Variants in LZTR1 observed in about 807,000 individuals in gnomAD.
LZTR1 encodes the protein leucine-zipper-like transcriptional regulator 1.
LZTR1 carries 260 observed loss-of-function variants against 105.7 expected under a neutral mutation model. The observed-to-expected ratio is 2.46, with a 90% confidence interval of 2.22 to 2.72. The LOEUF is 2.72. Among genes scored for constraint, LZTR1 ranks in the 30% most tolerant of loss-of-function variants. The pLI, the probability that LZTR1 is intolerant of heterozygous loss-of-function variation, is 0.00. For synonymous variants in LZTR1, 490 were observed against 476.4 expected, an observed-to-expected ratio of 1.03 and a Z score of -0.37; for missense variants, 1,214 against 1,166.9, an observed-to-expected ratio of 1.04 and a Z score of -0.59.
At chr22:20,993,886 G>C in intron 12 of LZTR1, 38 bp from the exon 13 acceptor site, 1 of 1,597,248 alleles carries the variant, frequency 6.3e-7, no homozygotes, top group Non-Finnish European at 8.5e-7. Context: ...TGGGGCGAGG[G>C]TCCTGTGCCC....
intron 16 of LZTR1, 29 bp downstream of exon 16, chr22:20,995,055 G>A (rs1924781309): frequency 6.3e-7 from 1 of 1,587,222 alleles, no homozygotes; most frequent in South Asian, 1.1e-5. Flanking sequence ...CTTCCCTGGG[G>A]GCTGGGAGGG....
chr22:20,995,438 A>G (rs1924797653), intron 16 of LZTR1: 1 of 631,012 alleles, frequency 1.6e-6, no homozygotes, highest in South Asian at 1.5e-5. Context: ...TGATGTCTGC[A>G]GGCACCAGAG....
chr22:20,985,777 C>A, intron 2 of LZTR1, 64 bp from the exon 3 acceptor site: 1 of 1,491,994 alleles, frequency 6.7e-7, no homozygotes, highest in South Asian at 1.1e-5. Flanking sequence ...ATGCAGTGCC[C>A]ATCTCTGGGG....
chr22:20,994,029 C>T lies in LZTR1; in HGVS notation c.1449+10C>T. 6.2e-7 allele frequency: 1 copy of T among 1,600,512 alleles called. No homozygotes were observed. Among genetic ancestry groups the T allele is most frequent in the Admixed American group, 1.7e-5 (1 of 57,370 alleles). On this transcript the variant is annotated intron_variant, in intron 13 of 20. Transcript: ENST00000646124. Reference sequence around the variant, plus strand: ...GGAGAGGCTGGCCCAGGTGAGGTGCCTAACCGCCCTGCCCTGACCTGGCAG... The same window carrying T: ...GGAGAGGCTGGCCCAGGTGAGGTGCTTAACCGCCCTGCCCTGACCTGGCAG...
Position 20,997,423 on chromosome 22 carries a change from T to C in LZTR1, c.*75T>C, listed in dbSNP as rs549934273. ...TGCCTACTGAGAAGACTACCGGCTA[T>C]GCGCATGCCTATGGCAGTGGGTGCA... On this transcript the variant is annotated 3_prime_UTR_variant, in exon 21 of 21. Coordinates refer to ENST00000646124, the MANE Select transcript of LZTR1 (RefSeq NM_006767.4). 1.9e-3 allele frequency: 2,128 copies of C among 1,121,848 alleles called. 35 individuals carry two copies. Among genetic ancestry groups the C allele is most frequent in the Non-Finnish European group, 2.6e-4 (195 of 739,224 alleles). The allele number at this position is 1,121,848 out of a possible 1,614,324, so 69.5% of individuals were successfully genotyped here.
At chr22:20,993,100 G>C (rs1348166647) in intron 11 of LZTR1, among the ~76,000 whole-genome samples, 196 bp downstream of exon 11, 1 of 152,246 alleles carries the variant, frequency 6.6e-6, no homozygotes, top group Non-Finnish European at 1.5e-5. Flanking sequence ...TCGTGCAGTG[G>C]GGCAGGCAGA....
At position 20,990,411 on chromosome 22, in the gene LZTR1, CATCT is replaced by C; in HGVS notation, c.678_681del (p.Ser227AlafsTer24). On this transcript the variant is annotated frameshift_variant, in exon 8 of 21. Coordinates refer to ENST00000646124, the MANE Select transcript of LZTR1 (RefSeq NM_006767.4). LOFTEE classifies it high-confidence loss of function. ...GTGGCCCAGAGTGGCGAGATCCCCC[CATCT>C]TGCTGCAACTTCCCCGTGGCTGTGT... 6.2e-7 allele frequency: 1 copy of C among 1,614,132 alleles called. No individual in the cohort carries two copies. The highest frequency in any genetic ancestry group is 8.5e-7 in the Non-Finnish European group (1 of 1,180,032).
intron 18 of LZTR1, 147 bp from the exon 19 acceptor site, chr22:20,996,549 G>A (rs1007138694): frequency 1.4e-5 from 9 of 642,690 alleles, no homozygotes; most frequent in Non-Finnish European, 1.9e-5. Context: ...CCTGAATGGG[G>A]CCTTTGACCC....
intron 2 of LZTR1, among the ~76,000 whole-genome samples, chr22:20,984,672 C>A (rs1924316244): frequency 2.0e-5 from 3 of 151,652 alleles, no homozygotes; most frequent in Admixed American, 2.0e-4. Context: ...TTCCTGGCTG[C>A]ATGGCCTCAG....
chr22:20,993,120 GGC>G (rs1224381230), intron 11 of LZTR1, among the ~76,000 whole-genome samples: 3 of 152,234 alleles, frequency 2.0e-5, no homozygotes, highest in Non-Finnish European at 4.4e-5. Flanking sequence ...ATGGTGCTGG[GGC>G]TCACGGCAGA....
At position 20,991,679 on chromosome 22, in the gene LZTR1, G is replaced by A. The variant is rs779901332; in HGVS notation, c.843G>A (p.Pro281=). 1.1e-5 allele frequency: 18 copies of A among 1,603,766 alleles called. No homozygotes were observed. The highest frequency in any genetic ancestry group is 2.7e-5 in the African/African-American group (2 of 74,822). ...TGCTCCGGGGCTCCCCACCACCCCC[G>A]CAGCGGCGCTACGGGCATACCATGG... ...EHLLRGSPPP[P]QRRYGHTMVA... is the part of the protein sequence containing the mutation. Residue 281 remains proline, a synonymous_variant, in exon 9 of 21, where the codon CCG becomes CCA. Coordinates refer to ENST00000646124, the MANE Select transcript of LZTR1 (RefSeq NM_006767.4).
At position 20,996,708 on chromosome 22, in the gene LZTR1, G is replaced by A. The variant is rs139261473; in HGVS notation, c.2232G>A (p.Ala744=). Residue 744 remains alanine, a synonymous_variant, in exon 19 of 21, where the codon GCG becomes GCA. Transcript: ENST00000646124. ...AACCAGGCCCCAGCTACTTGTTTGC[G>A]GCCCCCTACTACTACGGCTTCTACA... is the stretch of plus-strand genomic sequence containing the variant. ...MPPEDSLYLF[A]APYYYGFYNN... The A allele has an allele frequency of 6.3e-5, 102 of 1,613,380 alleles. No homozygotes were observed. Among genetic ancestry groups the A allele is most frequent in the Middle Eastern group, 3.3e-4 (2 of 6,082 alleles).
At position 20,994,755 on chromosome 22, in the gene LZTR1, G is replaced by C. The variant is rs568771658; in HGVS notation, c.1785+28G>C. On this transcript the variant is annotated intron_variant, in intron 15 of 20. Transcript: ENST00000646124. ...GTGGGGTGGGGTCAGCGCAATCAGG[G>C]TTGGGTGGGGTGTGCTCAGGCTTAG... 6.2e-6 allele frequency: 10 copies of C among 1,609,330 alleles called. No individual in the cohort carries two copies. In the African/African-American group the frequency reaches 1.3e-4, roughly 21 times the overall value.
At chr22:20,992,415 G>C (rs1007528738) in intron 10 of LZTR1, 46 bp downstream of exon 10, 3 of 1,572,960 alleles carry the variant, frequency 1.9e-6, no homozygotes, top group Non-Finnish European at 2.6e-6. Flanking sequence ...CCCTGAAACA[G>C]GTCCTGTGAT....
intron 18 of LZTR1, chr22:20,996,422 G>A: frequency 1.7e-6 from 1 of 592,168 alleles, no homozygotes; most frequent in South Asian, 2.0e-5. Flanking sequence ...TGTCACTTCA[G>A]TAGGGGTCTG....
At chr22:20,986,801 C>G (rs1194262690) in intron 3 of LZTR1, 1 of 152,176 alleles carries the variant, frequency 6.6e-6, no homozygotes, top group Non-Finnish European at 1.5e-5. Flanking sequence ...CTGTAAGATG[C>G]TGCACTGCTG....
At chr22:20,983,119 C>T (rs1418079110) in intron 2 of LZTR1, 30 bp downstream of exon 2, 19 of 1,598,138 alleles carry the variant, frequency 1.2e-5, no homozygotes, top group Non-Finnish European at 1.6e-5. Context: ...AGTGTTTGGA[C>T]CAGGTAGGGA....
chr22:20,985,934 C>G, intron 3 of LZTR1, 37 bp downstream of exon 3: 1 of 1,605,632 alleles, frequency 6.2e-7, no homozygotes. Context: ...TGCCTTTCCT[C>G]CTAGAACACA....
intron 2 of LZTR1, among the ~76,000 whole-genome samples, chr22:20,984,397 G>A (rs1359778387): frequency 6.6e-6 from 1 of 152,228 alleles, no homozygotes; most frequent in Non-Finnish European, 1.5e-5. Context: ...TTAGTGTCCA[G>A]TACAAGGCAG....
Sources: gnomAD v4.1 joint callset for allele counts (sites outside exome capture counted in the v4.1 genomes callset) on GRCh38, gnomAD v4.1.1 for gene constraint, MANE v1.5 for transcripts, NCBI Gene and HGNC (gene_info 2026-07-23, HGNC 2026-07-21) for gene names.